EXOC4: variants seen among roughly 807,000 people sequenced by gnomAD.
EXOC4 encodes the protein exocyst complex component 4, also known as SEC8-like 1.
EXOC4 carries 71 observed loss-of-function variants against 107.2 expected under a neutral mutation model. The observed-to-expected ratio is 0.66, with a 90% CI of 0.55 to 0.81. The LOEUF (loss-of-function observed/expected upper bound fraction) is 0.81, where lower values mean the gene tolerates loss of function less well. Among genes scored for constraint, EXOC4 ranks in the 30% least tolerant of loss-of-function variants. The pLI is 0.00. For synonymous variants in EXOC4, 456 were observed against 441.2 expected (o/e 1.03, Z -0.42); for missense variants, 1,108 against 1,189.6 (o/e 0.93, Z 1.01).
chr7:133,769,565 TTTC>T lies in EXOC4; in HGVS notation c.1515-47754_1515-47752del, dbSNP rs1796204908. Among the ~76,000 whole-genome samples the T allele has an allele frequency of 3.3e-5, 5 of 151,970 alleles. No homozygotes were observed. In the South Asian group the frequency reaches 8.3e-4, roughly 25 times the overall value. ...ATGTAGCACACAGAAGGACAAATGA[TTTC>T]TTCTTATTATTCTTTTTATTAACAA... On this transcript the variant is annotated intron_variant, in intron 10 of 17. Transcript: ENST00000253861.
chr7:133,983,867 T>A (rs114590380), intron 14 of EXOC4, among the ~76,000 whole-genome samples: 1,781 of 152,310 alleles, frequency 0.012, 30 homozygotes, highest in African/African-American at 0.041. Context: ...CAGGAGCTGT[T>A]CATTAGCCCC....
At chr7:133,958,894 A>G (rs950751878) in intron 14 of EXOC4, among the ~76,000 whole-genome samples, 1 of 152,228 alleles carries the variant, frequency 6.6e-6, no homozygotes, top group African/African-American at 2.4e-5. Context: ...GAAATCAGGC[A>G]AAGTTTACAT....
At chr7:133,511,407 T>A (rs1247465815) in intron 9 of EXOC4, among the ~76,000 whole-genome samples, 1 of 152,138 alleles carries the variant, frequency 6.6e-6, no homozygotes, top group Non-Finnish European at 1.5e-5. Context: ...TAAGGGTTAT[T>A]TCGTAAGGGT....
At chr7:134,059,099 G>GACCTTGGACAGTTCCCCAGTC (rs1795996209) in intron 17 of EXOC4, among the ~76,000 whole-genome samples, 1 of 152,128 alleles carries the variant, frequency 6.6e-6, no homozygotes, top group Non-Finnish European at 1.5e-5. Context: ...TTTCCTCAGA[G>GACCTTGGACAGTTCCCCAGTC]ACCTTGGACA....
intron 10 of EXOC4, chr7:133,771,267 C>T (rs989692422): frequency 6.6e-6 from 1 of 151,940 alleles, no homozygotes; most frequent in African/African-American, 2.4e-5. Context: ...TTTCTGATTT[C>T]CTTCAGCCTC....
At chr7:134,014,753 T>G (rs1794861131) in intron 17 of EXOC4, among the ~76,000 whole-genome samples, 1 of 151,998 alleles carries the variant, frequency 6.6e-6, no homozygotes, top group African/African-American at 2.4e-5. Flanking sequence ...CCTCTAAGTC[T>G]GAAAATTATA....
the EXOC4 span, among the ~76,000 whole-genome samples, chr7:134,074,813 T>C: frequency 2.0e-5 from 3 of 152,248 alleles, no homozygotes; most frequent in Non-Finnish European, 2.9e-5. Context: ...CGTAAGCCAG[T>C]GTACCACTGA....
chr7:133,394,416 CT>C (rs1317875747), intron 7 of EXOC4, among the ~76,000 whole-genome samples: 8 of 152,162 alleles, frequency 5.3e-5, no homozygotes, highest in African/African-American at 1.9e-4. Context: ...TAATTACCTT[CT>C]TTAAGTGTTA....
the EXOC4 span, among the ~76,000 whole-genome samples, chr7:134,079,833 T>C: frequency 6.6e-6 from 1 of 152,202 alleles, no homozygotes; most frequent in African/African-American, 2.4e-5. Context: ...AGGACCCAGG[T>C]GCAGTCCCAG....
rs554959247 is a variant in EXOC4, at chr7:133,261,791, A to G, written c.86+8604A>G. 5.3e-5 allele frequency among the ~76,000 whole-genome samples: 8 copies of G among 152,306 alleles called. No homozygotes were observed. The East Asian group carries it at 9.6e-4, about 18-fold the overall frequency. ...GAGTATTCCACTCAGTACCCTAAGAATTATGAAATTTTTTCACTCTGGCCT... is the reference window on the plus strand; with the variant it reads ...GAGTATTCCACTCAGTACCCTAAGAGTTATGAAATTTTTTCACTCTGGCCT... On this transcript the variant is annotated intron_variant, in intron 1 of 17. Transcript: ENST00000253861.
At chr7:133,923,344 G>T (rs1307236670) in intron 13 of EXOC4, among the ~76,000 whole-genome samples, 4 of 152,028 alleles carry the variant, frequency 2.6e-5, no homozygotes, top group African/African-American at 9.7e-5. Context: ...GGCCAGGCTA[G>T]TCTCGAACCT....
At chr7:133,904,645 T>C (rs567720310) in intron 12 of EXOC4, among the ~76,000 whole-genome samples, 1 of 152,328 alleles carries the variant, frequency 6.6e-6, no homozygotes, top group South Asian at 2.1e-4. Flanking sequence ...AGTTGCTGAA[T>C]GATGGACCTG....
chr7:133,274,056 G>A (rs1793934078), intron 1 of EXOC4, among the ~76,000 whole-genome samples: 1 of 152,108 alleles, frequency 6.6e-6, no homozygotes, highest in Non-Finnish European at 1.5e-5. Flanking sequence ...AAAGATCTGT[G>A]GTCCATGTAT....
chr7:134,045,928 A>G (rs1365194053), intron 17 of EXOC4, among the ~76,000 whole-genome samples: 2 of 152,242 alleles, frequency 1.3e-5, no homozygotes, highest in Non-Finnish European at 2.9e-5. Context: ...CAAGATTTAT[A>G]AAATTAGCAC....
At chr7:133,695,935 G>A (rs1794524962) in intron 10 of EXOC4, among the ~76,000 whole-genome samples, 2 of 152,148 alleles carry the variant, frequency 1.3e-5, no homozygotes, top group South Asian at 4.1e-4. Flanking sequence ...TTGAAATAAT[G>A]TTTTATTATA....
chr7:133,787,652 G>A (rs1162473028), intron 10 of EXOC4, among the ~76,000 whole-genome samples: 1 of 151,500 alleles, frequency 6.6e-6, no homozygotes, highest in Non-Finnish European at 1.5e-5. Flanking sequence ...GCTTACAGAC[G>A]GCCTCCTCCT....
Position 134,004,996 on chromosome 7 carries a change from C to G in EXOC4, c.2433C>G (p.Asp811Glu), listed in dbSNP as rs1165961810. The G allele has an allele frequency of 6.2e-7, 1 of 1,613,260 alleles. No homozygotes were observed. The highest frequency in any genetic ancestry group is 8.5e-7 in the Non-Finnish European group (1 of 1,179,496). ...IVANVESMDY[D>E]PLVVKLNKDI... is the part of the protein sequence containing the mutation. Reference sequence around the variant, plus strand: ...CTAATGTGGAAAGTATGGATTATGACCCCCTGGTGGTCAAGCTCAACAAAG... The same window carrying G: ...CTAATGTGGAAAGTATGGATTATGAGCCCCTGGTGGTCAAGCTCAACAAAG... Residue 811 changes from aspartate to glutamate, a missense_variant, in exon 16 of 18, where the codon GAC becomes GAG. Transcript: ENST00000253861.
chr7:133,737,023 C>T (rs1248933946), intron 10 of EXOC4, among the ~76,000 whole-genome samples: 1 of 152,194 alleles, frequency 6.6e-6, no homozygotes, highest in East Asian at 1.9e-4. Context: ...CTTTTTGTCA[C>T]TAACAGTTAT....
At chr7:133,506,774 A>C (rs1048355841) in intron 9 of EXOC4, among the ~76,000 whole-genome samples, 2 of 152,036 alleles carry the variant, frequency 1.3e-5, no homozygotes, top group African/African-American at 4.8e-5. Context: ...AAATTTGAAA[A>C]TTTACCAACT....
Sources: gnomAD v4.1 joint callset for allele counts (sites outside exome capture counted in the v4.1 genomes callset) on GRCh38, gnomAD v4.1.1 for gene constraint, MANE v1.5 for transcripts, NCBI Gene and HGNC (gene_info 2026-07-23, HGNC 2026-07-21) for gene names.